ST3GAL3: variants seen among roughly 807,000 people sequenced by gnomAD.
ST3GAL3 encodes the protein ST3 beta-galactoside alpha-2,3-sialyltransferase 3, also known as CMP-N-acetylneuraminate-beta-1,4-galactoside alpha-2,3-sialyltransferase.
A neutral mutation model predicts 50.1 loss-of-function variants in ST3GAL3; 21 were observed. That is an observed-to-expected ratio of 0.42 (90% CI 0.30 to 0.60). The LOEUF (loss-of-function observed/expected upper bound fraction) is 0.60, where lower values mean the gene tolerates loss of function less well. ST3GAL3 is among the 20% of genes least tolerant of loss of function. ST3GAL3 has a pLI of 0.19. For missense variants in ST3GAL3, 353 were observed against 489.4 expected (o/e 0.72, Z 2.63); for synonymous variants, 183 against 190.0 (o/e 0.96, Z 0.30).
At chr1:43,708,603 A>C (rs1304311794) in intron 1 of ST3GAL3, among the ~76,000 whole-genome samples, 6 of 152,372 alleles carry the variant, frequency 3.9e-5, no homozygotes, top group African/African-American at 1.4e-4. Context: ...GTGTACTTTC[A>C]AGTCAACAGA....
At chr1:43,881,502 T>A (rs2154256245) in intron 5 of ST3GAL3, among the ~76,000 whole-genome samples, 1 of 152,344 alleles carries the variant, frequency 6.6e-6, no homozygotes, top group East Asian at 1.9e-4. Flanking sequence ...CTGCCTGACA[T>A]GGCAGCTTCT....
intron 5 of ST3GAL3, among the ~76,000 whole-genome samples, chr1:43,859,041 G>A (rs1380565024): frequency 2.0e-5 from 3 of 152,206 alleles, no homozygotes; most frequent in Non-Finnish European, 4.4e-5. Context: ...GTCTGGGCTG[G>A]AAGAAAACAA....
At chr1:43,729,521 T>C (rs1674663086) in intron 1 of ST3GAL3, among the ~76,000 whole-genome samples, 2 of 152,316 alleles carry the variant, frequency 1.3e-5, no homozygotes, top group South Asian at 4.2e-4. Flanking sequence ...TTCAATACAT[T>C]TACTTATCTG....
At chr1:43,766,419 T>C (rs1692995808) in intron 2 of ST3GAL3, among the ~76,000 whole-genome samples, 1 of 151,754 alleles carries the variant, frequency 6.6e-6, no homozygotes, top group South Asian at 2.1e-4. Flanking sequence ...TAAAAAAAAA[T>C]AAGTAAATAA....
At chr1:43,844,540 G>A (rs1332462804) in intron 5 of ST3GAL3, among the ~76,000 whole-genome samples, 3 of 152,134 alleles carry the variant, frequency 2.0e-5, no homozygotes, top group South Asian at 2.1e-4. Flanking sequence ...GGCCGGGCAC[G>A]GTGGCTTACG....
chr1:43,882,632 G>A (rs925120196), intron 5 of ST3GAL3, among the ~76,000 whole-genome samples: 1 of 152,212 alleles, frequency 6.6e-6, no homozygotes, highest in Non-Finnish European at 1.5e-5. Context: ...TTTTCTTAAA[G>A]GGCCAGATAG....
At chr1:43,734,297 C>CTTCTT (rs1677280329) in intron 1 of ST3GAL3, among the ~76,000 whole-genome samples, 2 of 114,424 alleles carry the variant, frequency 1.7e-5, no homozygotes, top group South Asian at 3.0e-4. Flanking sequence ...TCTTCTTCTT[C>CTTCTT]TTTTTTTTTT....
chr1:43,876,392 C>T (rs1362639237), intron 5 of ST3GAL3, among the ~76,000 whole-genome samples: 1 of 152,102 alleles, frequency 6.6e-6, no homozygotes, highest in Non-Finnish European at 1.5e-5. Flanking sequence ...AACATCAAGA[C>T]TGGAAGAAAA....
chr1:43,862,509 G>A (rs1051520033), intron 5 of ST3GAL3, among the ~76,000 whole-genome samples: 2 of 152,054 alleles, frequency 1.3e-5, no homozygotes, highest in African/African-American at 2.4e-5. Flanking sequence ...AAATGGAAGC[G>A]GCGGGTCCTA....
intron 1 of ST3GAL3, among the ~76,000 whole-genome samples, chr1:43,721,260 AAAGAAG>A (rs770553992): frequency 6.6e-6 from 1 of 151,618 alleles, no homozygotes. Flanking sequence ...AAGAAAAAAA[AAAGAAG>A]AAAAGAAATG....
chr1:43,790,661 C>T (rs2057952198), intron 2 of ST3GAL3, among the ~76,000 whole-genome samples: 1 of 137,370 alleles, frequency 7.3e-6, no homozygotes, highest in African/African-American at 2.8e-5. Flanking sequence ...GACATGGAGT[C>T]TTGCTCTGTC....
chr1:43,710,531 G>A (rs1009043746), intron 1 of ST3GAL3, among the ~76,000 whole-genome samples: 1 of 152,138 alleles, frequency 6.6e-6, no homozygotes, highest in Non-Finnish European at 1.5e-5. Flanking sequence ...CACTTCTCCA[G>A]CCAGGACTTT....
intron 1 of ST3GAL3, among the ~76,000 whole-genome samples, chr1:43,728,539 G>C (rs1674081470): frequency 6.6e-6 from 1 of 152,124 alleles, no homozygotes; most frequent in African/African-American, 2.4e-5. Context: ...GAGTCTAGGA[G>C]TTTGATACCA....
rs1471110179 is a variant in ST3GAL3 at position 43,833,954 on chromosome 1, C to T, written c.210-4265C>T. Among the ~76,000 whole-genome samples the T allele has an allele frequency of 5.9e-5, 9 of 152,240 alleles. No homozygotes were observed. In the East Asian group the frequency reaches 1.7e-3, roughly 29 times the overall value. On this transcript the variant is annotated intron_variant, in intron 4 of 11. Transcript: ENST00000347631. ...CTTTCCCCCTCCGCCTTCTCACAGG[C>T]ATTCTCCCCCAACCTGGCCAACATG...
intron 9 of ST3GAL3, among the ~76,000 whole-genome samples, chr1:43,917,593 AATAT>A (rs1212785300): frequency 4.2e-5 from 2 of 48,074 alleles, no homozygotes; most frequent in African/African-American, 7.2e-5. Context: ...TATTATATAT[AATAT>A]ATATATTATA....
At chr1:43,780,119 T>C (rs999355508) in intron 2 of ST3GAL3, among the ~76,000 whole-genome samples, 2 of 152,192 alleles carry the variant, frequency 1.3e-5, no homozygotes, top group African/African-American at 4.8e-5. Context: ...TGAGAAAGGA[T>C]ACATGAGAGG....
chr1:43,795,686 AC>A (rs1360122965), intron 3 of ST3GAL3, among the ~76,000 whole-genome samples: 1 of 152,186 alleles, frequency 6.6e-6, no homozygotes, highest in African/African-American at 2.4e-5. Context: ...TAGTGTAGGT[AC>A]TTAAAAGTAA....
intron 2 of ST3GAL3, among the ~76,000 whole-genome samples, chr1:43,785,425 C>T (rs1283442213): frequency 6.6e-6 from 1 of 152,172 alleles, no homozygotes; most frequent in Non-Finnish European, 1.5e-5. Context: ...TGAGGCCGCT[C>T]AGACTGCAGA....
At chr1:43,842,533 A>C (rs1282687354) in intron 5 of ST3GAL3, 1 of 152,154 alleles carries the variant, frequency 6.6e-6, no homozygotes. Context: ...GAGGCCGGGC[A>C]TGGTGGCTCA....
Sources: gnomAD v4.1 joint callset for allele counts (sites outside exome capture counted in the v4.1 genomes callset) on GRCh38, gnomAD v4.1.1 for gene constraint, MANE v1.5 for transcripts, NCBI Gene and HGNC (gene_info 2026-07-23, HGNC 2026-07-21) for gene names.